The following SCG5 variants were observed in gnomAD, a reference collection of about 807,000 sequenced individuals.
SCG5 encodes secretogranin V.
A neutral mutation model predicts 25.7 loss-of-function variants in SCG5; 18 were observed. The ratio of observed to expected loss-of-function variants is 0.70; its 90% CI spans 0.48 to 1.04. SCG5 has a LOEUF of 1.04. SCG5 is among the 50% of genes least tolerant of loss of function. The pLI is 0.00. For synonymous variants in SCG5, 101 were observed against 91.7 expected (o/e 1.10, Z -0.58); for missense variants, 206 against 259.8 (o/e 0.79, Z 1.42).
At chr15:32,673,966 G>A (rs749491914) in intron 2 of SCG5, among the ~76,000 whole-genome samples, 9 of 152,044 alleles carry the variant, frequency 5.9e-5, no homozygotes, top group Admixed American at 1.3e-4. Flanking sequence ...TGATCCACCC[G>A]CCTCTGCCTC....
At chr15:32,679,179 C>G (rs1444404795) in intron 2 of SCG5, among the ~76,000 whole-genome samples, 2 of 145,706 alleles carry the variant, frequency 1.4e-5, no homozygotes, top group Non-Finnish European at 3.0e-5. Context: ...ATGGAACTCT[C>G]CCTTTCCCAT....
intron 2 of SCG5, among the ~76,000 whole-genome samples, chr15:32,661,222 CG>C (rs1184660123): frequency 2.6e-5 from 4 of 152,190 alleles, no homozygotes; most frequent in African/African-American, 7.2e-5. Context: ...TTTACACCCT[CG>C]GTACCATTTA....
rs766298083 is a variant in SCG5 at position 32,643,772 on chromosome 15, T to C, written c.180T>C (p.Tyr60=). ...QLGIARPRVE[Y]PAHQAMNLVG... is the part of the protein sequence containing the mutation. ...GCATTGCCAGGCCCCGAGTGGAATA[T>C]CCAGCTCACCAGGCCATGAATCTTG... The change falls in exon 2 of 6, where the codon TAT becomes TAC. Residue 60 remains tyrosine, a synonymous_variant. Transcript: ENST00000300175. 6.2e-7 allele frequency: 1 copy of C among 1,613,946 alleles called. No homozygotes were observed. The highest frequency in any genetic ancestry group is 8.5e-7 in the Non-Finnish European group (1 of 1,179,888).
At chr15:32,661,630 AG>A (rs1444428702) in intron 2 of SCG5, among the ~76,000 whole-genome samples, 1 of 152,164 alleles carries the variant, frequency 6.6e-6, no homozygotes, top group Non-Finnish European at 1.5e-5. Flanking sequence ...ACAAAAAAAA[AG>A]AGAAGAAAGA....
intron 4 of SCG5, among the ~76,000 whole-genome samples, chr15:32,690,929 C>CT (rs1297012599): frequency 1.3e-5 from 2 of 151,460 alleles, no homozygotes; most frequent in African/African-American, 4.9e-5. Context: ...AAAGCCCCCC[C>CT]CCACCGCCAC....
intron 2 of SCG5, among the ~76,000 whole-genome samples, chr15:32,676,486 A>G (rs2054532735): frequency 6.6e-6 from 1 of 152,198 alleles, no homozygotes; most frequent in South Asian, 2.1e-4. Flanking sequence ...GTACTGACAC[A>G]CCAGAGAGCC....
rs535695526 is a variant in SCG5 at position 32,695,182 on chromosome 15, A to AT, written c.544-1326dup. 2.0e-3 allele frequency among the ~76,000 whole-genome samples: 300 copies of AT among 151,904 alleles called. 1 individual carries two copies. The highest frequency in any genetic ancestry group is 7.1e-3 in the African/African-American group (295 of 41,400). On this transcript the variant is annotated intron_variant, in intron 5 of 5. Transcript: ENST00000300175. ...AGGGGCCCACCACCACGACTGGCTA[A>AT]TTTTTTGTATTTTTAGTAGAGACGG...
At chr15:32,653,243 T>A (rs1365837707) in intron 2 of SCG5, among the ~76,000 whole-genome samples, 1 of 152,266 alleles carries the variant, frequency 6.6e-6, no homozygotes, top group African/African-American at 2.4e-5. Context: ...ATTTTGTGAA[T>A]TTTCAATCAC....
intron 4 of SCG5, among the ~76,000 whole-genome samples, chr15:32,688,963 A>AAAAAAAAAG (rs1555437392): frequency 4.3e-5 from 6 of 140,298 alleles, no homozygotes; most frequent in Admixed American, 7.2e-5. Context: ...CGTCTCAAAA[A>AAAAAAAAAG]AAAAAAAAAA....
chr15:32,682,415 G>A (rs769362030), intron 3 of SCG5, among the ~76,000 whole-genome samples: 12 of 152,176 alleles, frequency 7.9e-5, no homozygotes, highest in Non-Finnish European at 1.6e-4. Flanking sequence ...CCTATGGAAG[G>A]AAGACATAGG....
At chr15:32,680,643 A>C (rs2054603879) in intron 3 of SCG5, among the ~76,000 whole-genome samples, 1 of 152,180 alleles carries the variant, frequency 6.6e-6, no homozygotes, top group Non-Finnish European at 1.5e-5. Flanking sequence ...CATGACAGTC[A>C]ACATTCTAAC....
At chr15:32,685,004 T>C (rs2054681771) in intron 4 of SCG5, among the ~76,000 whole-genome samples, 1 of 152,212 alleles carries the variant, frequency 6.6e-6, no homozygotes, top group Non-Finnish European at 1.5e-5. Flanking sequence ...TATCAAAGGA[T>C]ATGATTTTTT....
chr15:32,649,135 G>A (rs2140502837), intron 2 of SCG5, among the ~76,000 whole-genome samples: 1 of 152,124 alleles, frequency 6.6e-6, no homozygotes, highest in South Asian at 2.1e-4. Context: ...TCTCTCCACT[G>A]GAATGTAAGC....
At chr15:32,644,874 A>G (rs1028831414) in intron 2 of SCG5, among the ~76,000 whole-genome samples, 7 of 152,230 alleles carry the variant, frequency 4.6e-5, no homozygotes, top group Non-Finnish European at 1.0e-4. Flanking sequence ...TAAAAATGCT[A>G]TCTGCCCTAG....
At chr15:32,650,220 C>T (rs531229679) in intron 2 of SCG5, among the ~76,000 whole-genome samples, 97 of 152,252 alleles carry the variant, frequency 6.4e-4, no homozygotes, top group Non-Finnish European at 1.1e-3. Flanking sequence ...GCCTCAGCCT[C>T]GCGAGTAGCT....
intron 2 of SCG5, among the ~76,000 whole-genome samples, chr15:32,657,494 C>A (rs1399964428): frequency 6.6e-6 from 1 of 151,874 alleles, no homozygotes; most frequent in Non-Finnish European, 1.5e-5. Context: ...GCCCTTGTGA[C>A]TTTACAGATG....
rs117045927 is a variant in SCG5, at chr15:32,655,720, C to T, written c.226+11902C>T. ...GGGATCCATGCCCTTATGAAAGAGG[C>T]CAGAGGAAGCTCATTTGCCCTTTCC... On this transcript the variant is annotated intron_variant, in intron 2 of 5. Coordinates refer to ENST00000300175, the MANE Select transcript of SCG5 (RefSeq NM_001144757.3). Among the ~76,000 whole-genome samples the T allele has an allele frequency of 4.0e-3, 607 of 152,246 alleles. 1 individual carries two copies. The highest frequency in any genetic ancestry group is 6.3e-3 in the Non-Finnish European group (428 of 68,012).
intron 2 of SCG5, among the ~76,000 whole-genome samples, chr15:32,677,322 A>G (rs1208643102): frequency 6.6e-6 from 1 of 152,214 alleles, no homozygotes; most frequent in Non-Finnish European, 1.5e-5. Context: ...TTAAGGTTAA[A>G]CTTTAATCAA....
chr15:32,695,460 A>C (rs1273079809), intron 5 of SCG5, among the ~76,000 whole-genome samples: 2 of 152,102 alleles, frequency 1.3e-5, no homozygotes, highest in Non-Finnish European at 2.9e-5. Context: ...ACCTCAATAA[A>C]TAGATATGTA....
Sources: gnomAD v4.1 joint callset for allele counts (sites outside exome capture counted in the v4.1 genomes callset) on GRCh38, gnomAD v4.1.1 for gene constraint, MANE v1.5 for transcripts, NCBI Gene and HGNC (gene_info 2026-07-23, HGNC 2026-07-21) for gene names.